The following COA1 variants were observed in gnomAD, a reference collection of about 807,000 sequenced individuals.
The protein encoded by COA1 is cytochrome c oxidase assembly factor 1 homolog.
In COA1, 13 loss-of-function variants were observed where a neutral mutation model predicts 16.0. The ratio of observed to expected loss-of-function variants is 0.81; its 90% CI spans 0.53 to 1.29. The LOEUF is 1.29. COA1 is among the 50% of genes most tolerant of loss of function. COA1 has a pLI of 0.00. For synonymous variants in COA1, 65 were observed against 65.7 expected (o/e 0.99, Z 0.05); for missense variants, 179 against 177.0 (o/e 1.01, Z -0.06).
chr7:43,678,248 C>T (rs1282813310), intron 1 of COA1, among the ~76,000 whole-genome samples: 2 of 152,062 alleles, frequency 1.3e-5, no homozygotes, highest in Non-Finnish European at 2.9e-5. Context: ...GAGAATTCAA[C>T]AAATAACACT....
intron 6 of COA1, chr7:43,624,455 C>T (rs2084265761): frequency 1.3e-6 from 2 of 1,484,160 alleles, no homozygotes; most frequent in Non-Finnish European, 1.8e-6. Context: ...AATACAGTAC[C>T]TTATGCTCTA....
chr7:43,727,111 T>A (rs1361222229), intron 1 of COA1, among the ~76,000 whole-genome samples: 1 of 152,166 alleles, frequency 6.6e-6, no homozygotes, highest in Non-Finnish European at 1.5e-5. Context: ...CACTCTGTAG[T>A]CCCTAAATAT....
chr7:43,644,129 C>A (rs73108619), intron 4 of COA1, among the ~76,000 whole-genome samples: 2 of 152,022 alleles, frequency 1.3e-5, no homozygotes, highest in South Asian at 2.1e-4. Flanking sequence ...GCATGCTGCT[C>A]CTCAGCCGGG....
chr7:43,632,472 A>C (rs1006010987), intron 6 of COA1: 1 of 152,312 alleles, frequency 6.6e-6, no homozygotes. Flanking sequence ...AATGCTCTTG[A>C]TGGCATCTAG....
intron 1 of COA1, among the ~76,000 whole-genome samples, chr7:43,672,509 C>A (rs533779332): frequency 6.6e-6 from 1 of 152,228 alleles, no homozygotes; most frequent in Non-Finnish European, 1.5e-5. Flanking sequence ...CAGTGGCTCA[C>A]GCCTGTAATC....
chr7:43,679,222 G>C (rs776544595), intron 1 of COA1, among the ~76,000 whole-genome samples: 1 of 132,776 alleles, frequency 7.5e-6, no homozygotes. Context: ...AGCCGGGATC[G>C]CAGCACTGTG....
intron 1 of COA1, among the ~76,000 whole-genome samples, chr7:43,713,108 T>C (rs900381816): frequency 6.6e-6 from 1 of 152,142 alleles, no homozygotes; most frequent in African/African-American, 2.4e-5. Flanking sequence ...TGCACCACCA[T>C]GCCTGGCTAA....
Position 43,649,332 on chromosome 7 carries a change from G to C in COA1, c.-38-680C>G, listed in dbSNP as rs371711907. 5.3e-5 allele frequency: 8 copies of C among 152,350 alleles called. No individual in the cohort carries two copies. In the East Asian group the frequency reaches 1.3e-3, roughly 26 times the overall value. The allele number at this position is 152,350 out of a possible 1,614,324, so 9.4% of individuals were successfully genotyped here. On this transcript the variant is annotated intron_variant, in intron 1 of 5. Transcript: ENST00000223336. ...TTCAAATTCATGCAGTCTGGCTCCAGCATCTGCTCTTTCAACCACTGTGGT... is the reference window on the plus strand; with the variant it reads ...TTCAAATTCATGCAGTCTGGCTCCACCATCTGCTCTTTCAACCACTGTGGT...
At chr7:43,649,766 T>C (rs1238234905) in intron 1 of COA1, 2 of 152,224 alleles carry the variant, frequency 1.3e-5, no homozygotes, top group South Asian at 2.1e-4. Context: ...TTGCCAACAG[T>C]TGGAAGTACT....
chr7:43,619,908 T>C lies in COA1; in HGVS notation c.*134-10413A>G, dbSNP rs113131368. ...GTTCAAGAGTAAGATACCAAATTGGTGATCTCTTCACTATCTCTTCACTAC... is the reference window on the plus strand; with the variant it reads ...GTTCAAGAGTAAGATACCAAATTGGCGATCTCTTCACTATCTCTTCACTAC... On this transcript the variant is annotated intron_variant and NMD_transcript_variant, in intron 6 of 6. Transcript: ENST00000415076. Among the ~76,000 whole-genome samples, 680 of 152,360 alleles carry C rather than the reference T, an allele frequency of 4.5e-3. 3 individuals are homozygous for C. Among genetic ancestry groups the C allele is most frequent in the South Asian group, 0.019 (92 of 4,830 alleles).
chr7:43,648,859 G>T (rs1328660272), intron 1 of COA1: 4 of 515,386 alleles, frequency 7.8e-6, no homozygotes, highest in Non-Finnish European at 1.4e-5. Flanking sequence ...AAGCCTGCGG[G>T]TTTCCTGTCT....
intron 1 of COA1, among the ~76,000 whole-genome samples, chr7:43,692,502 A>G (rs541146096): frequency 6.6e-6 from 1 of 152,234 alleles, no homozygotes; most frequent in East Asian, 1.9e-4. Flanking sequence ...TAGGCAACAC[A>G]GCAAGACCCT....
chr7:43,644,817 G>GAC (rs1554501889), intron 4 of COA1, among the ~76,000 whole-genome samples: 3 of 126,612 alleles, frequency 2.4e-5, no homozygotes, highest in Non-Finnish European at 3.8e-5. Flanking sequence ...GAGAGAGAGA[G>GAC]AGAGAGAGAG....
At chr7:43,719,369 T>C (rs1005557612) in intron 1 of COA1, among the ~76,000 whole-genome samples, 4 of 152,194 alleles carry the variant, frequency 2.6e-5, no homozygotes, top group Admixed American at 1.3e-4. Flanking sequence ...TTATTAGGGA[T>C]GCCACTAATA....
At chr7:43,619,597 C>T in intron 6 of COA1, 2 of 1,612,048 alleles carry the variant, frequency 1.2e-6, no homozygotes, top group South Asian at 1.1e-5. Context: ...TTTCTTTTAG[C>T]CTCAGAATAT....
intron 6 of COA1, among the ~76,000 whole-genome samples, chr7:43,612,598 T>C (rs1441013550): frequency 3.3e-5 from 5 of 152,336 alleles, no homozygotes; most frequent in Non-Finnish European, 7.3e-5. Flanking sequence ...TTAGTCTCCA[T>C]GCTGGTTAAA....
At chr7:43,703,580 C>T (rs1260939299) in intron 1 of COA1, among the ~76,000 whole-genome samples, 4 of 152,168 alleles carry the variant, frequency 2.6e-5, no homozygotes, top group African/African-American at 7.2e-5. Context: ...TTATCATCCA[C>T]TATGTAATGC....
At chr7:43,631,108 T>C (rs2085132943) in intron 6 of COA1, 1 of 152,210 alleles carries the variant, frequency 6.6e-6, no homozygotes, top group African/African-American at 2.4e-5. Flanking sequence ...TTAGGGTTGG[T>C]CTTTTCAAGG....
intron 1 of COA1, among the ~76,000 whole-genome samples, chr7:43,669,628 G>A (rs1310247970): frequency 6.6e-6 from 1 of 152,100 alleles, no homozygotes; most frequent in Admixed American, 6.5e-5. Flanking sequence ...CCTCATATAA[G>A]CAGCCACTTT....
Sources: allele counts gnomAD v4.1 joint callset (sites outside exome capture counted in the v4.1 genomes callset), GRCh38; gene constraint gnomAD v4.1.1; transcripts MANE v1.5; gene names NCBI Gene and HGNC (gene_info 2026-07-23, HGNC 2026-07-21).